The following TMEM132B variants were observed in gnomAD, a reference collection of about 807,000 sequenced individuals.
The protein encoded by TMEM132B is transmembrane protein 132B.
Under a neutral mutation model 90.8 loss-of-function variants are expected in TMEM132B, and 18 were observed. The observed-to-expected ratio is 0.20, with a 90% CI of 0.14 to 0.29. The LOEUF is 0.29. Among genes scored for constraint, TMEM132B ranks in the 10% least tolerant of loss-of-function variants. The pLI is 1.00. For synonymous variants in TMEM132B, 504 were observed against 523.3 expected (o/e 0.96, Z 0.50); for missense variants, 1,096 against 1,326.8 (o/e 0.83, Z 2.70).
chr12:125,474,807 G>A (rs1566047261), intron 3 of TMEM132B, among the ~76,000 whole-genome samples: 1 of 152,200 alleles, frequency 6.6e-6, no homozygotes, highest in Non-Finnish European at 1.5e-5. Flanking sequence ...TCTGGGCTCT[G>A]CCTACTGTGG....
intron 2 of TMEM132B, among the ~76,000 whole-genome samples, chr12:125,388,613 C>T (rs554305243): frequency 6.6e-6 from 1 of 152,202 alleles, no homozygotes; most frequent in East Asian, 1.9e-4. Context: ...AAAGTGCCAA[C>T]CCCGGCACTT....
At position 125,490,843 on chromosome 12, in the gene TMEM132B, A is replaced by G. The variant is rs1229038206; in HGVS notation, c.1107-28596A>G. 6.6e-6 allele frequency among the ~76,000 whole-genome samples: 1 copy of G among 152,202 alleles called. No individual in the cohort carries two copies. The highest frequency in any genetic ancestry group is 1.5e-5 in the Non-Finnish European group (1 of 68,042). ...TACTCTATGGTGAAAGCAATGTGCC[A>G]CTTAAAAGACTAGGTCTCAAAAAGC... is the stretch of plus-strand genomic sequence containing the variant. On this transcript the variant is annotated intron_variant, in intron 3 of 8. Coordinates refer to ENST00000682704, the MANE Select transcript of TMEM132B (RefSeq NM_001366854.1). This position sits in a 1 kb window ranked among gnomAD's most constrained non-coding sequence, Gnocchi z 4.2.
intron 2 of TMEM132B, among the ~76,000 whole-genome samples, chr12:125,394,327 A>G (rs1467335536): frequency 2.0e-5 from 3 of 152,202 alleles, no homozygotes; most frequent in Non-Finnish European, 4.4e-5. Context: ...TCTTCTAACA[A>G]TAGAAGTGAT....
chr12:125,567,286 C>T (rs528764057), intron 4 of TMEM132B, among the ~76,000 whole-genome samples: 14 of 152,166 alleles, frequency 9.2e-5, no homozygotes, highest in Non-Finnish European at 1.8e-4. Context: ...ATCTCTCTCT[C>T]GCTGTCATTC....
In TMEM132B at chr12:125,661,351, C is replaced by T. The variant is rs12424862; in HGVS notation, c.*6641C>T. The T allele has an allele frequency of 0.081, 12,372 of 152,282 alleles. 667 individuals carry two copies. Among genetic ancestry groups the T allele is most frequent in the East Asian group, 0.25 (1,307 of 5,176 alleles). 9.4% of individuals were successfully genotyped at this position (152,282 alleles called of 1,614,324 possible). ...ATATTACAGGCTGAGAAGGAGCACA[C>T]ATCTGGCACTGATAAGCACACTGGC... On this transcript the variant is annotated 3_prime_UTR_variant, in exon 9 of 9. Transcript: ENST00000682704.
chr12:125,583,944 G>T lies in TMEM132B; in HGVS notation c.1387G>T (p.Asp463Tyr), dbSNP rs202118018. 112 of 1,614,112 alleles carry T rather than the reference G, an allele frequency of 6.9e-5. 1 individual carries two copies. In the Middle Eastern group the frequency reaches 1.2e-3, roughly 17 times the overall value. Residue 463 changes from aspartate to tyrosine, a missense_variant, in exon 5 of 9, where the codon GAT becomes TAT. Transcript: ENST00000682704. The part of the protein sequence containing the change: ...VGVQEDGSVV[D>Y]VSESVECKSA... ...GGTCCAGGAGGATGGTTCTGTGGTC[G>T]ATGTGTCTGAGTCTGTGGAATGCAA...
At chr12:125,357,700 C>T (rs1330801066) in intron 2 of TMEM132B, among the ~76,000 whole-genome samples, 6 of 152,180 alleles carry the variant, frequency 3.9e-5, no homozygotes, top group Non-Finnish European at 8.8e-5. Context: ...AGGCCAGGGC[C>T]ACACTGAGTC....
At chr12:125,372,819 C>T (rs1399078958) in intron 2 of TMEM132B, among the ~76,000 whole-genome samples, 1 of 152,186 alleles carries the variant, frequency 6.6e-6, no homozygotes, top group Non-Finnish European at 1.5e-5. Context: ...CCGATGTCAT[C>T]TCCCGCAGCG....
At chr12:125,560,504 C>T (rs940462363) in intron 4 of TMEM132B, among the ~76,000 whole-genome samples, 5 of 152,156 alleles carry the variant, frequency 3.3e-5, no homozygotes, top group African/African-American at 1.2e-4. Flanking sequence ...TAGCATCTCA[C>T]ACCAGTTAGA....
intron 1 of TMEM132B, among the ~76,000 whole-genome samples, chr12:125,239,470 G>T (rs1385501795): frequency 1.3e-5 from 2 of 152,156 alleles, no homozygotes; most frequent in Non-Finnish European, 2.9e-5. Context: ...GGAACTTAGG[G>T]AGTTCCACTG....
intron 5 of TMEM132B, among the ~76,000 whole-genome samples, chr12:125,596,553 A>C (rs185648085): frequency 1.3e-5 from 2 of 152,296 alleles, no homozygotes; most frequent in Admixed American, 6.5e-5. Context: ...TCCTCCTTGC[A>C]ATGTTGGATT....
At chr12:125,298,794 C>T (rs1311059721) in intron 1 of TMEM132B, among the ~76,000 whole-genome samples, 5 of 150,292 alleles carry the variant, frequency 3.3e-5, no homozygotes, top group African/African-American at 4.9e-5. Context: ...AGTGCCGTGG[C>T]GCGATCTCGG....
intron 1 of TMEM132B, among the ~76,000 whole-genome samples, chr12:125,334,091 T>C (rs192806923): frequency 3.9e-5 from 6 of 152,314 alleles, no homozygotes; most frequent in Admixed American, 3.9e-4. Flanking sequence ...CTCATGGTGT[T>C]TTTACTTGCT....
Position 125,445,547 on chromosome 12 carries a change from C to G in TMEM132B, c.1106+29870C>G, listed in dbSNP as rs1880982831. 1.3e-5 allele frequency among the ~76,000 whole-genome samples: 2 copies of G among 152,200 alleles called. No individual in the cohort carries two copies. On this transcript the variant is annotated intron_variant, in intron 3 of 8. Coordinates refer to ENST00000682704, the MANE Select transcript of TMEM132B (RefSeq NM_001366854.1). This position sits in a 1 kb window ranked among gnomAD's most constrained non-coding sequence, Gnocchi z 4.3. Reference sequence around the variant, plus strand: ...AGGGATCTGCATCTGGAGTGCTGCTCTTTTTTCTTCTTTTTCCTGCTGACA... The same window carrying G: ...AGGGATCTGCATCTGGAGTGCTGCTGTTTTTTCTTCTTTTTCCTGCTGACA...
At chr12:125,515,230 T>TCA (rs1467423932) in intron 3 of TMEM132B, among the ~76,000 whole-genome samples, 2 of 149,268 alleles carry the variant, frequency 1.3e-5, no homozygotes, top group South Asian at 4.3e-4. Context: ...ACACATTCTC[T>TCA]CACACACATG....
At chr12:125,418,368 T>C (rs1880080507) in intron 3 of TMEM132B, among the ~76,000 whole-genome samples, 1 of 152,154 alleles carries the variant, frequency 6.6e-6, no homozygotes, top group South Asian at 2.1e-4. Flanking sequence ...AAGTGTCCTC[T>C]TTCTCCTTCT....
chr12:125,597,277 A>C (rs1189454461), intron 5 of TMEM132B, among the ~76,000 whole-genome samples: 1 of 152,186 alleles, frequency 6.6e-6, no homozygotes, highest in Non-Finnish European at 1.5e-5. Context: ...AGAAAAATTG[A>C]TAAAAAACCC....
chr12:125,645,329 C>T (rs765837353), intron 6 of TMEM132B, among the ~76,000 whole-genome samples: 1 of 152,016 alleles, frequency 6.6e-6, no homozygotes, highest in African/African-American at 2.4e-5. Context: ...TAACTACAAT[C>T]CCAAATCAAT....
chr12:125,510,149 G>T (rs554480728), intron 3 of TMEM132B, among the ~76,000 whole-genome samples: 1 of 152,262 alleles, frequency 6.6e-6, no homozygotes, highest in African/African-American at 2.4e-5. Context: ...CTGTCTCTGG[G>T]CTTGTCACGG....
Sources: allele counts gnomAD v4.1 joint callset (sites outside exome capture counted in the v4.1 genomes callset), GRCh38; gene constraint gnomAD v4.1.1; non-coding constraint Gnocchi (gnomAD v3.1); transcripts MANE v1.5; gene names NCBI Gene and HGNC (gene_info 2026-07-23, HGNC 2026-07-21).